THOC1: variants seen among roughly 807,000 people sequenced by gnomAD.
THOC1 encodes the protein THO complex 1.
In THOC1, 29 loss-of-function variants were observed where a neutral mutation model predicts 97.3. The ratio of observed to expected loss-of-function variants is 0.30; its 90% CI spans 0.22 to 0.41. THOC1 has a LOEUF of 0.41. Among genes scored for constraint, THOC1 ranks in the 10% least tolerant of loss-of-function variants. The probability of loss-of-function intolerance (pLI) is 1.00; values close to 1 mark genes in which losing one functional copy is unlikely to be tolerated. For missense variants in THOC1, 529 were observed against 761.9 expected (o/e 0.69, Z 3.60); for synonymous variants, 255 against 257.0 (o/e 0.99, Z 0.07).
chr18:232,879 AC>A (rs1911533370), intron 11 of THOC1, among the ~76,000 whole-genome samples: 1 of 152,110 alleles, frequency 6.6e-6, no homozygotes, highest in Non-Finnish European at 1.5e-5. Context: ...TCTTTAAATT[AC>A]TTTTTCTTAT....
intron 17 of THOC1, among the ~76,000 whole-genome samples, chr18:219,699 C>T (rs979139822): frequency 5.3e-5 from 8 of 152,042 alleles, no homozygotes; most frequent in Admixed American, 5.2e-4. Flanking sequence ...TAATTACACA[C>T]TATAATATAT....
At chr18:264,701 C>T (rs1912708697) in intron 3 of THOC1, among the ~76,000 whole-genome samples, 1 of 152,162 alleles carries the variant, frequency 6.6e-6, no homozygotes, top group South Asian at 2.1e-4. Flanking sequence ...TCAGACTTGT[C>T]TGAGAGAAAG....
Position 216,481 on chromosome 18 carries a change from C to T in THOC1, c.1602+5G>A. The T allele has an allele frequency of 1.2e-6, 2 of 1,613,258 alleles. No individual in the cohort carries two copies. The highest frequency in any genetic ancestry group is 1.7e-6 in the Non-Finnish European group (2 of 1,179,550). On this transcript the variant is annotated splice_donor_5th_base_variant and intron_variant, in intron 19 of 20. Transcript: ENST00000261600. ...GGGTATGAAAAGTTGATCTATGGTA[C>T]TTACCGGTAATTCCTTGGCTAGCTT... is the stretch of plus-strand genomic sequence containing the variant.
intron 11 of THOC1, among the ~76,000 whole-genome samples, chr18:229,399 C>T (rs1288241293): frequency 2.0e-5 from 3 of 152,060 alleles, no homozygotes; most frequent in Admixed American, 6.5e-5. Flanking sequence ...GTGTTTTTGT[C>T]GGCTGGGTGT....
chr18:218,065 A>G (rs1910954608), intron 18 of THOC1, among the ~76,000 whole-genome samples: 1 of 152,216 alleles, frequency 6.6e-6, no homozygotes, highest in African/African-American at 2.4e-5. Context: ...AGATTAGTTA[A>G]GAGGTCACAG....
Position 261,536 on chromosome 18 carries a change from C to T in THOC1, c.257-1232G>A, listed in dbSNP as rs77476218. 0.029 allele frequency among the ~76,000 whole-genome samples: 4,349 copies of T among 152,242 alleles called. 371 individuals are homozygous for T. In the East Asian group the frequency reaches 0.32, roughly 11 times the overall value. On this transcript the variant is annotated intron_variant, in intron 4 of 20. Coordinates refer to ENST00000261600, the MANE Select transcript of THOC1 (RefSeq NM_005131.3). ...CAATAACCACATTTGTCTAACAGGACTCAAACAGTGAGCTCCACTAATGAG... is the reference window on the plus strand; with the variant it reads ...CAATAACCACATTTGTCTAACAGGATTCAAACAGTGAGCTCCACTAATGAG...
rs370625348 is a variant in THOC1 at position 236,419 on chromosome 18, G to A, written c.919-9518C>T. 1.5e-4 allele frequency among the ~76,000 whole-genome samples: 21 copies of A among 140,954 alleles called. No homozygotes were observed. The East Asian group carries it at 2.1e-3, about 14-fold the overall frequency. 92.5% of individuals were successfully genotyped at this position (140,954 alleles called of 152,430 possible). A position where few individuals can be genotyped will look rare whatever the true frequency, so the allele number is the denominator to read the frequency against. On this transcript the variant is annotated intron_variant, in intron 11 of 20. Coordinates refer to ENST00000261600, the MANE Select transcript of THOC1 (RefSeq NM_005131.3). Reference sequence around the variant, plus strand: ...CGCCCAGGCGGGAGTGCAGTGGCGCGATCTCGGCTCACTGCAAGCTCCGCC... The same window carrying A: ...CGCCCAGGCGGGAGTGCAGTGGCGCAATCTCGGCTCACTGCAAGCTCCGCC...
intron 3 of THOC1, 61 bp from the exon 4 acceptor site, chr18:264,153 C>G: frequency 9.2e-7 from 1 of 1,084,550 alleles, no homozygotes; most frequent in Non-Finnish European, 1.4e-6. Context: ...ACTCGATTAA[C>G]AGTAAAAACA....
At chr18:267,832 G>T in intron 1 of THOC1, 134 bp downstream of exon 1, 2 of 922,880 alleles carry the variant, frequency 2.2e-6, no homozygotes, top group Non-Finnish European at 3.1e-6. Flanking sequence ...AACCTCCGAC[G>T]GGGCCCGGAG....
At chr18:261,315 T>C (rs1471117279) in intron 4 of THOC1, among the ~76,000 whole-genome samples, 2 of 152,176 alleles carry the variant, frequency 1.3e-5, no homozygotes, top group African/African-American at 4.8e-5. Flanking sequence ...AGGCATGGTA[T>C]ATGGAGGAAA....
rs1471434844 is a variant in THOC1 at position 214,881 on chromosome 18, T to C, written c.1719A>G (p.Gln573=). Residue 573 remains glutamine (Q), a synonymous_variant, in exon 21 of 21, where the codon CAA becomes CAG. Coordinates refer to ENST00000261600, the MANE Select transcript of THOC1 (RefSeq NM_005131.3). Reference sequence around the variant, plus strand: ...CCAGCTTGTTGGCAAATACCTCTATTTGTTCTCCTGTTACAGGTTTGTCTC... The same window carrying C: ...CCAGCTTGTTGGCAAATACCTCTATCTGTTCTCCTGTTACAGGTTTGTCTC... ...VRRDKPVTGE[Q]IEVFANKLGE... is the part of the protein sequence containing the mutation. 3.1e-6 allele frequency: 5 copies of C among 1,613,842 alleles called. No homozygotes were observed. The Admixed American group carries it at 8.3e-5, about 27-fold the overall frequency.
chr18:266,856 G>A (rs761777240), intron 1 of THOC1, among the ~76,000 whole-genome samples: 6 of 152,010 alleles, frequency 3.9e-5, no homozygotes, highest in Non-Finnish European at 8.8e-5. Context: ...ATCTTGGATA[G>A]TCCTAACAGT....
At chr18:223,339 CTT>C in intron 17 of THOC1, 99 bp downstream of exon 17, 1 of 945,464 alleles carries the variant, frequency 1.1e-6, no homozygotes. Flanking sequence ...CCACAATAAA[CTT>C]TTAAATTTCA....
At position 238,128 on chromosome 18, in the gene THOC1, G is replaced by T. The variant is rs141219434; in HGVS notation, c.918+8196C>A. Reference sequence around the variant, plus strand: ...TGATTTGCCCACCTTGGCCTCCCAAGGTGCTGGGATTACAGGTGTGAGCCA... The same window carrying T: ...TGATTTGCCCACCTTGGCCTCCCAATGTGCTGGGATTACAGGTGTGAGCCA... On this transcript the variant is annotated intron_variant, in intron 11 of 20. Coordinates refer to ENST00000261600, the MANE Select transcript of THOC1 (RefSeq NM_005131.3). Among the ~76,000 whole-genome samples the T allele has an allele frequency of 5.6e-3, 858 of 152,132 alleles. 5 individuals are homozygous for T. Among genetic ancestry groups the T allele is most frequent in the African/African-American group, 0.019 (781 of 41,502 alleles).
At chr18:264,723 T>C (rs370929067) in intron 3 of THOC1, among the ~76,000 whole-genome samples, 10 of 152,354 alleles carry the variant, frequency 6.6e-5, no homozygotes, top group African/African-American at 2.2e-4. Flanking sequence ...GACATTGTAC[T>C]ATGGCCAATA....
At chr18:224,493 C>A (rs1391967283) in intron 15 of THOC1, among the ~76,000 whole-genome samples, 1 of 151,310 alleles carries the variant, frequency 6.6e-6, no homozygotes, top group Non-Finnish European at 1.5e-5. Flanking sequence ...GCATGAGAAT[C>A]GCTTGAACCC....
At chr18:261,564 T>C (rs1322843690) in intron 4 of THOC1, among the ~76,000 whole-genome samples, 1 of 152,190 alleles carries the variant, frequency 6.6e-6, no homozygotes, top group Non-Finnish European at 1.5e-5. Flanking sequence ...CTAATGAGCA[T>C]GATTCAGCAG....
Position 236,680 on chromosome 18 carries a change from G to A in THOC1, c.918+9644C>T, listed in dbSNP as rs1911712410. Among the ~76,000 whole-genome samples the A allele has an allele frequency of 2.0e-5, 3 of 152,112 alleles. No homozygotes were observed. In the South Asian group the frequency reaches 6.2e-4, roughly 32 times the overall value. On this transcript the variant is annotated intron_variant, in intron 11 of 20. Transcript: ENST00000261600. ...GCCCGGCGAAAGAATAAGATTCTAA[G>A]ATGCAAACCTCATTAAAAGGAAACT...
At chr18:227,722 T>G (rs578065459) in intron 11 of THOC1, among the ~76,000 whole-genome samples, 1 of 152,244 alleles carries the variant, frequency 6.6e-6, no homozygotes, top group East Asian at 1.9e-4. Flanking sequence ...ATCCACAAAC[T>G]CATGCTAGTT....
Sources: gnomAD v4.1 joint callset for allele counts (sites outside exome capture counted in the v4.1 genomes callset) on GRCh38, gnomAD v4.1.1 for gene constraint, MANE v1.5 for transcripts, NCBI Gene and HGNC (gene_info 2026-07-23, HGNC 2026-07-21) for gene names.